Variants in IFT46 observed in about 807,000 individuals in gnomAD.
IFT46 encodes intraflagellar transport protein 46 homolog.
A neutral mutation model predicts 39.6 loss-of-function variants in IFT46; 19 were observed. The ratio of observed to expected loss-of-function variants is 0.48; its 90% CI spans 0.33 to 0.70. IFT46 has a LOEUF of 0.70. IFT46 is among the 30% of genes least tolerant of loss of function. The pLI is 0.01. For missense variants in IFT46, 334 were observed against 364.8 expected (o/e 0.92, Z 0.69); for synonymous variants, 117 against 134.8 (o/e 0.87, Z 0.91).
intron 3 of IFT46, among the ~76,000 whole-genome samples, chr11:118,558,938 C>G (rs1384067951): frequency 4.7e-5 from 7 of 148,718 alleles, no homozygotes; most frequent in African/African-American, 1.7e-4. Flanking sequence ...ACAAAAAAAA[C>G]AGGCTGGGCA....
chr11:118,548,847 C>T (rs1395589433), intron 9 of IFT46, among the ~76,000 whole-genome samples: 1 of 150,190 alleles, frequency 6.7e-6, no homozygotes, highest in African/African-American at 2.4e-5. Context: ...TCTCAAACTC[C>T]TGGGCTCAAG....
At chr11:118,574,008 T>G (rs781996536), upstream of IFT46, among the ~76,000 whole-genome samples, 6 of 152,214 alleles carry the variant, frequency 3.9e-5, no homozygotes, top group Non-Finnish European at 5.9e-5. Context: ...ATAAAGGTAA[T>G]CTTTCTAAAA....
At chr11:118,575,410 G>A (rs923297607), upstream of IFT46, among the ~76,000 whole-genome samples, 5 of 145,862 alleles carry the variant, frequency 3.4e-5, no homozygotes, top group Admixed American at 2.0e-4. Flanking sequence ...AACTGATAAC[G>A]GGTGTGTGTG....
rs1445510053 is a variant in IFT46 at position 118,565,825 on chromosome 11, AAAGAACCCCAGCCTAG to A, written c.-184_-169del. 2.0e-5 allele frequency: 3 copies of A among 152,620 alleles called. No individual in the cohort carries two copies. Among genetic ancestry groups the A allele is most frequent in the South Asian group, 2.1e-4 (1 of 4,828 alleles). 9.5% of individuals were successfully genotyped at this position (152,620 alleles called of 1,614,324 possible). ...TCTGAATCCGTCTCCTCTATAATGG[AAAGAACCCCAGCCTAG>A]GGCTGGGGTCTCACTCCAGTCTCAA... On this transcript the variant is annotated 5_prime_UTR_variant, in exon 1 of 12. Transcript: ENST00000264021.
upstream of IFT46, among the ~76,000 whole-genome samples, chr11:118,574,563 A>T (rs1044993329): frequency 5.3e-5 from 8 of 152,120 alleles, no homozygotes; most frequent in Non-Finnish European, 8.8e-5. Context: ...AAAAATATAC[A>T]TTTCAAAGTA....
chr11:118,575,413 T>G (rs986215369), upstream of IFT46, among the ~76,000 whole-genome samples: 17 of 148,456 alleles, frequency 1.1e-4, no homozygotes, highest in South Asian at 1.3e-3. Flanking sequence ...TGATAACGGG[T>G]GTGTGTGTGT....
chr11:118,566,585 C>G (rs1471267813), upstream of IFT46, among the ~76,000 whole-genome samples: 2 of 152,140 alleles, frequency 1.3e-5, no homozygotes, highest in Non-Finnish European at 2.9e-5. Context: ...CCCAGCTACT[C>G]GAGAGGCTGA....
At chr11:118,549,407 CATAT>C in intron 9 of IFT46, among the ~76,000 whole-genome samples, 1 of 151,906 alleles carries the variant, frequency 6.6e-6, no homozygotes, top group South Asian at 2.1e-4. Flanking sequence ...CTATTACATA[CATAT>C]ATAAAATATT....
intron 9 of IFT46, chr11:118,546,410 G>A (rs535125287): frequency 2.2e-6 from 1 of 451,102 alleles, no homozygotes; most frequent in East Asian, 4.1e-5. Context: ...AGGACTGCTT[G>A]AGTCCAGCAG....
chr11:118,552,446 T>A, intron 7 of IFT46, 111 bp from the exon 8 acceptor site: 1 of 1,288,102 alleles, frequency 7.8e-7, no homozygotes, highest in Non-Finnish European at 1.1e-6. Context: ...TGATGACAGC[T>A]GCTGCCACGT....
chr11:118,572,379 T>G, intron 1 of IFT46: 1 of 103,700 alleles, frequency 9.6e-6, no homozygotes, highest in Non-Finnish European at 1.9e-5. Flanking sequence ...CCTGCGCCGC[T>G]TCCGGTTGAA....
chr11:118,557,970 G>A, intron 3 of IFT46: 1 of 1,225,112 alleles, frequency 8.2e-7, no homozygotes, highest in Non-Finnish European at 1.1e-6. Flanking sequence ...TTATACTGAG[G>A]TTAACACGTT....
intron 3 of IFT46, among the ~76,000 whole-genome samples, chr11:118,559,164 G>A (rs782422200): frequency 1.3e-5 from 2 of 151,814 alleles, no homozygotes; most frequent in Non-Finnish European, 2.9e-5. Context: ...CACCACACCC[G>A]GCCAACATAA....
At chr11:118,564,346 C>T (rs1368570443) in intron 2 of IFT46, among the ~76,000 whole-genome samples, 2 of 152,098 alleles carry the variant, frequency 1.3e-5, no homozygotes, top group African/African-American at 4.8e-5. Flanking sequence ...ATCGGGATGG[C>T]AGGGACATTG....
chr11:118,552,377 AG>A (rs1248104989), intron 7 of IFT46, 42 bp from the exon 8 acceptor site: 8 of 1,607,682 alleles, frequency 5.0e-6, no homozygotes, highest in African/African-American at 1.3e-5. Flanking sequence ...GCACTGAAGT[AG>A]CTCTCTTGTT....
chr11:118,557,923 T>A, intron 3 of IFT46: 1 of 1,541,288 alleles, frequency 6.5e-7, no homozygotes. Flanking sequence ...CCTTTAAAAG[T>A]AGGTTTTCAA....
Position 118,554,373 on chromosome 11 carries a change from C to T in IFT46, c.483+86G>A, listed in dbSNP as rs1343264544. On this transcript the variant is annotated intron_variant, in intron 7 of 11. Transcript: ENST00000264021. ...ACCCAGGCCCATCTCTTTTGACAGG[C>T]AGTAAGTCAACTGTATGAGTGCCAG... The T allele has an allele frequency of 5.9e-6, 8 of 1,354,552 alleles. No homozygotes were observed. The East Asian group carries it at 1.7e-4, about 29-fold the overall frequency. The allele number at this position is 1,354,552 out of a possible 1,614,324, so 83.9% of individuals were successfully genotyped here. A position where few individuals can be genotyped will look rare whatever the true frequency, so the allele number is the denominator to read the frequency against.
chr11:118,560,243 T>G, intron 2 of IFT46: 1 of 163,742 alleles, frequency 6.1e-6, no homozygotes, highest in South Asian at 1.7e-4. Flanking sequence ...CAAGATCCCA[T>G]CTACAAAAAA....
At chr11:118,567,102 T>A (rs1938243254), upstream of IFT46, among the ~76,000 whole-genome samples, 3 of 151,806 alleles carry the variant, frequency 2.0e-5, no homozygotes, top group Admixed American at 6.6e-5. Flanking sequence ...AAATTTTTTT[T>A]AATTAGCCAG....
Sources: gnomAD v4.1 joint callset for allele counts (sites outside exome capture counted in the v4.1 genomes callset) on GRCh38, gnomAD v4.1.1 for gene constraint, MANE v1.5 for transcripts, NCBI Gene and HGNC (gene_info 2026-07-23, HGNC 2026-07-21) for gene names.